LRP5: variants seen among roughly 807,000 people sequenced by gnomAD.
LRP5 encodes the protein LDL receptor related protein 5.
In LRP5, 62 loss-of-function variants were observed where a neutral mutation model predicts 154.1. The observed-to-expected ratio is 0.40, with a 90% CI of 0.33 to 0.50. LRP5 has a LOEUF of 0.50. Ranked by LOEUF, LRP5 falls within the 20% of genes least tolerant of loss-of-function variation. LRP5 has a pLI of 0.55. For synonymous variants in LRP5, 966 were observed against 1,011.5 expected (o/e 0.96, Z 0.85); for missense variants, 1,915 against 2,336.7 (o/e 0.82, Z 3.72).
At chr11:68,445,544 C>A (rs1174444734) in intron 21 of LRP5, 3 of 1,257,086 alleles carry the variant, frequency 2.4e-6, no homozygotes, top group Non-Finnish European at 3.2e-6. Flanking sequence ...TCGGGCATAA[C>A]TGACAGTTCT....
chr11:68,414,448 G>A (rs2098661390), intron 12 of LRP5, among the ~76,000 whole-genome samples: 1 of 152,192 alleles, frequency 6.6e-6, no homozygotes, highest in South Asian at 2.1e-4. Flanking sequence ...CAACTGGGGT[G>A]GGTTGAGCCG....
chr11:68,307,257 A>G, the LRP5 span, among the ~76,000 whole-genome samples: 1 of 152,174 alleles, frequency 6.6e-6, no homozygotes, highest in Admixed American at 6.6e-5. Flanking sequence ...GGATGGCTTG[A>G]TCCTAGGAGT....
In LRP5 at chr11:68,348,076, G is replaced by T. The variant is rs750905217; in HGVS notation, c.321G>T (p.Leu107=). 2 of 1,614,128 alleles carry T rather than the reference G, an allele frequency of 1.2e-6. No individual in the cohort carries two copies. The highest frequency in any genetic ancestry group is 1.7e-6 in the Non-Finnish European group (2 of 1,180,040). The change falls in exon 2 of 23, where the codon CTG becomes CTT. Residue 107 remains leucine, a synonymous_variant. Transcript: ENST00000294304. ...AAVQNVVISG[L]VSPDGLACDW... is the part of the protein sequence containing the mutation. ...TGCAGAACGTGGTCATCTCCGGCCTGGTCTCTCCCGACGGCCTCGCCTGCG... is the reference window on the plus strand; with the variant it reads ...TGCAGAACGTGGTCATCTCCGGCCTTGTCTCTCCCGACGGCCTCGCCTGCG...
chr11:68,370,229 G>A (rs116185047), intron 5 of LRP5, among the ~76,000 whole-genome samples: 2,159 of 152,256 alleles, frequency 0.014, 47 homozygotes, highest in African/African-American at 0.049. Flanking sequence ...GAGCCCTGGG[G>A]ACTGGCTGCT....
Position 68,359,369 on chromosome 11 carries a change from G to A in LRP5, c.686+1522G>A, listed in dbSNP as rs147473168. 1.8e-4 allele frequency among the ~76,000 whole-genome samples: 28 copies of A among 152,356 alleles called. No individual in the cohort carries two copies. In the East Asian group the frequency reaches 4.4e-3, roughly 24 times the overall value. On this transcript the variant is annotated intron_variant, in intron 3 of 22. Coordinates refer to ENST00000294304, the MANE Select transcript of LRP5 (RefSeq NM_002335.4). ...TGAAAATATCCTGTTGTCCCTGGAA[G>A]TGCAGACCAGCGGGTCTGGTTTGAG...
chr11:68,421,482 C>T (rs1158862669), intron 13 of LRP5, among the ~76,000 whole-genome samples: 1 of 152,170 alleles, frequency 6.6e-6, no homozygotes, highest in Non-Finnish European at 1.5e-5. Flanking sequence ...TAGCTGGAAT[C>T]TTGCTTGTCT....
chr11:68,350,986 TTGTG>T (rs1295732652), intron 2 of LRP5, among the ~76,000 whole-genome samples: 1 of 151,870 alleles, frequency 6.6e-6, no homozygotes, highest in Non-Finnish European at 1.5e-5. Context: ...GAGTGGATAT[TTGTG>T]TGTGTATGAG....
rs770772454 is a variant in LRP5 at position 68,438,599 on chromosome 11, TCCCGCACGAGTATGTCAGCGGGAC to T, written c.4274_4297del (p.Glu1425_His1432del). Reference sequence around the variant, plus strand: ...CGCTATGCGGGGGCCAACGGGCCCTTCCCGCACGAGTATGTCAGCGGGACCCCGCACGTGCCCCTCAATTTCATA... The same window carrying T: ...CGCTATGCGGGGGCCAACGGGCCCTTCCCGCACGTGCCCCTCAATTTCATA... On this transcript the variant is annotated inframe_deletion, in exon 20 of 23. Coordinates refer to ENST00000294304, the MANE Select transcript of LRP5 (RefSeq NM_002335.4). The T allele has an allele frequency of 6.2e-7, 1 of 1,614,008 alleles. No homozygotes were observed. Among genetic ancestry groups the T allele is most frequent in the Admixed American group, 1.7e-5 (1 of 60,018 alleles).
intron 7 of LRP5, among the ~76,000 whole-genome samples, 156 bp from the exon 8 acceptor site, chr11:68,403,323 CCTGG>C (rs1252296175): frequency 1.3e-5 from 2 of 152,144 alleles, no homozygotes; most frequent in Non-Finnish European, 2.9e-5. Context: ...AACCATGCTA[CCTGG>C]TGTTTTATGG....
At chr11:68,376,889 G>A (rs1415940106) in intron 5 of LRP5, among the ~76,000 whole-genome samples, 1 of 152,216 alleles carries the variant, frequency 6.6e-6, no homozygotes, top group Non-Finnish European at 1.5e-5. Context: ...GCAAAGATGA[G>A]AGGGCTGCCC....
chr11:68,326,330 C>A (rs890211341), intron 1 of LRP5, among the ~76,000 whole-genome samples: 1 of 152,226 alleles, frequency 6.6e-6, no homozygotes, highest in Non-Finnish European at 1.5e-5. Context: ...GTTGAGGGGA[C>A]CCTGCCATCT....
chr11:68,342,535 C>T (rs185341092), intron 1 of LRP5, among the ~76,000 whole-genome samples: 55 of 152,336 alleles, frequency 3.6e-4, no homozygotes, highest in Middle Eastern at 3.4e-3. Flanking sequence ...ACTGCCAGTT[C>T]CTTCCAAAGG....
At chr11:68,384,389 T>G (rs1208046499) in intron 5 of LRP5, among the ~76,000 whole-genome samples, 1 of 152,144 alleles carries the variant, frequency 6.6e-6, no homozygotes, top group Non-Finnish European at 1.5e-5. Context: ...CCCGGGCCCC[T>G]TTGCAGATTG....
At chr11:68,441,315 C>T (rs1380091649) in intron 21 of LRP5, among the ~76,000 whole-genome samples, 3 of 149,074 alleles carry the variant, frequency 2.0e-5, no homozygotes, top group Non-Finnish European at 1.5e-5. Flanking sequence ...TGGACTCGAG[C>T]GATCCTCCTG....
At chr11:68,387,579 TC>T (rs1241832180) in intron 6 of LRP5, among the ~76,000 whole-genome samples, 1 of 152,168 alleles carries the variant, frequency 6.6e-6, no homozygotes, top group Non-Finnish European at 1.5e-5. Flanking sequence ...GCAGCGTGGC[TC>T]CAGCTTTCCA....
At chr11:68,429,738 A>G (rs1287893816) in intron 17 of LRP5, 38 bp downstream of exon 17, 5 of 1,613,464 alleles carry the variant, frequency 3.1e-6, no homozygotes, top group Non-Finnish European at 4.2e-6. Context: ...GGTGATGGAC[A>G]GGTACCTGAT....
intron 2 of LRP5, among the ~76,000 whole-genome samples, chr11:68,352,893 G>A (rs2098619984): frequency 6.6e-6 from 1 of 151,702 alleles, no homozygotes; most frequent in African/African-American, 2.4e-5. Context: ...GTTGGGAGGT[G>A]CTTGGCACTT....
intron 3 of LRP5, among the ~76,000 whole-genome samples, chr11:68,363,150 T>C (rs972582195): frequency 1.3e-5 from 2 of 152,258 alleles, no homozygotes; most frequent in African/African-American, 4.8e-5. Context: ...CTGATTTGTA[T>C]ACAGAGGTTA....
intron 3 of LRP5, among the ~76,000 whole-genome samples, chr11:68,358,443 G>A (rs947992095): frequency 1.3e-5 from 2 of 152,190 alleles, no homozygotes; most frequent in Non-Finnish European, 1.5e-5. Flanking sequence ...GTCACCAGAT[G>A]AGCAACAAAA....
Sources: allele counts gnomAD v4.1 joint callset (sites outside exome capture counted in the v4.1 genomes callset), GRCh38; gene constraint gnomAD v4.1.1; transcripts MANE v1.5; gene names NCBI Gene and HGNC (gene_info 2026-07-23, HGNC 2026-07-21).